The following MYOM1 variants were observed in gnomAD, a reference collection of about 807,000 sequenced individuals.
The protein encoded by MYOM1 is myomesin-1.
Under a neutral mutation model 205.3 loss-of-function variants are expected in MYOM1, and 164 were observed. The observed-to-expected ratio is 0.80, with a 90% CI of 0.70 to 0.91. The LOEUF is 0.91. Among genes scored for constraint, MYOM1 ranks in the 40% least tolerant of loss-of-function variants. The pLI is 0.00. For missense variants in MYOM1, 2,011 were observed against 2,127.3 expected (o/e 0.95, Z 1.08); for synonymous variants, 772 against 789.4 (o/e 0.98, Z 0.37).
intron 36 of MYOM1, among the ~76,000 whole-genome samples, chr18:3,072,973 A>AGT (rs1555613713): frequency 9.8e-6 from 1 of 102,440 alleles, no homozygotes; most frequent in Admixed American, 1.2e-4. Context: ...AGATGTAAGC[A>AGT]TTTTTTTTTT....
Position 3,160,093 on chromosome 18 carries a change from T to TCTC in MYOM1, c.1501+4182_1501+4184dup, listed in dbSNP as rs1274649755. Among the ~76,000 whole-genome samples, 390 of 99,514 alleles carry TCTC rather than the reference T, an allele frequency of 3.9e-3. 2 individuals are homozygous for TCTC. Among genetic ancestry groups the TCTC allele is most frequent in the South Asian group, 0.035 (108 of 3,126 alleles). 65.3% of individuals were successfully genotyped at this position (99,514 alleles called of 152,430 possible). ...TTCTTCTCTTCCTCCTCCTCCTTCT[T>TCTC]CTCCTCCTCCTTCTTCTTCTTCTCT... On this transcript the variant is annotated intron_variant, in intron 10 of 37. Transcript: ENST00000356443.
At chr18:3,121,453 C>T (rs891328008) in intron 19 of MYOM1, among the ~76,000 whole-genome samples, 1 of 152,154 alleles carries the variant, frequency 6.6e-6, no homozygotes, top group Non-Finnish European at 1.5e-5. Flanking sequence ...TCAGCGGCAA[C>T]AATGGGCCAG....
intron 2 of MYOM1, among the ~76,000 whole-genome samples, chr18:3,194,214 T>A (rs1225645113): frequency 6.6e-6 from 1 of 152,180 alleles, no homozygotes; most frequent in African/African-American, 2.4e-5. Context: ...CCACTTAAAG[T>A]TTCAAGGGAA....
At chr18:3,168,123 A>C (rs2080499265) in intron 9 of MYOM1, among the ~76,000 whole-genome samples, 1 of 152,240 alleles carries the variant, frequency 6.6e-6, no homozygotes, top group South Asian at 2.1e-4. Context: ...GTTAAAACAA[A>C]AGTGCCAGAG....
chr18:3,181,534 T>C (rs1484624796), intron 5 of MYOM1, among the ~76,000 whole-genome samples: 1 of 152,192 alleles, frequency 6.6e-6, no homozygotes, highest in African/African-American at 2.4e-5. Context: ...TGATTAATAA[T>C]TCTAATCTTG....
At chr18:3,072,371 T>TTTTTTTTTTTTTG (rs2078969735) in intron 36 of MYOM1, among the ~76,000 whole-genome samples, 3 of 132,414 alleles carry the variant, frequency 2.3e-5, no homozygotes, top group East Asian at 2.1e-4. Flanking sequence ...TTTTTTTTTT[T>TTTTTTTTTTTTTG]GAGGCAGAGT....
intron 23 of MYOM1, among the ~76,000 whole-genome samples, chr18:3,101,156 TG>T (rs1479312194): frequency 6.6e-6 from 1 of 152,242 alleles, no homozygotes; most frequent in Non-Finnish European, 1.5e-5. Context: ...TACAGCATGG[TG>T]GCAGAAAAAC....
chr18:3,241,431 C>T, the MYOM1 span, among the ~76,000 whole-genome samples: 1 of 152,312 alleles, frequency 6.6e-6, no homozygotes, highest in East Asian at 1.9e-4. Flanking sequence ...AAGACCCAAG[C>T]CTTGGCAGCT....
At chr18:3,173,838 ATGT>A in intron 8 of MYOM1, 97 bp downstream of exon 8, 1 of 1,044,744 alleles carries the variant, frequency 9.6e-7, no homozygotes, top group Non-Finnish European at 1.5e-6. Context: ...AGCATATACT[ATGT>A]TATATATAGT....
At chr18:3,170,177 G>A (rs1423651720) in intron 8 of MYOM1, among the ~76,000 whole-genome samples, 1 of 152,154 alleles carries the variant, frequency 6.6e-6, no homozygotes, top group Non-Finnish European at 1.5e-5. Flanking sequence ...AGAAGGGTTA[G>A]TTAATGGGTA....
chr18:3,234,478 A>AC, the MYOM1 span, among the ~76,000 whole-genome samples: 1 of 152,198 alleles, frequency 6.6e-6, no homozygotes, highest in East Asian at 1.9e-4. Flanking sequence ...TAATTTTGTG[A>AC]CCCCCTAGTT....
chr18:3,098,077 G>A (rs988026558), intron 25 of MYOM1, among the ~76,000 whole-genome samples: 1 of 152,170 alleles, frequency 6.6e-6, no homozygotes, highest in Non-Finnish European at 1.5e-5. Context: ...ATTAGTAGGT[G>A]CTGCTGTTTC....
intron 19 of MYOM1, among the ~76,000 whole-genome samples, chr18:3,124,482 C>G (rs2079748397): frequency 6.6e-6 from 1 of 151,410 alleles, no homozygotes; most frequent in African/African-American, 2.4e-5. Context: ...GTGCCCGCCA[C>G]CACGCCCGGC....
chr18:3,235,956 T>A, the MYOM1 span, among the ~76,000 whole-genome samples: 2 of 152,046 alleles, frequency 1.3e-5, no homozygotes, highest in East Asian at 3.9e-4. Flanking sequence ...GGTCTTGAGG[T>A]GGAAAGTTAT....
chr18:3,094,354 T>TA, intron 25 of MYOM1, 48 bp from the exon 26 acceptor site: 5 of 1,443,078 alleles, frequency 3.5e-6, no homozygotes, highest in African/African-American at 1.5e-5. Context: ...TAACCAATTA[T>TA]ATTGGTACTC....
At chr18:3,073,122 C>T (rs1201077589) in intron 36 of MYOM1, among the ~76,000 whole-genome samples, 1 of 151,996 alleles carries the variant, frequency 6.6e-6, no homozygotes, top group Non-Finnish European at 1.5e-5. Flanking sequence ...CATAAGCTTT[C>T]CTTGAAGCCT....
intron 11 of MYOM1, 36 bp downstream of exon 11, chr18:3,154,911 C>A (rs1288295498): frequency 6.3e-7 from 1 of 1,593,712 alleles, no homozygotes. Flanking sequence ...TCTCTATGAC[C>A]AAATAACTGT....
chr18:3,115,525 A>T (rs2079592119), intron 21 of MYOM1, among the ~76,000 whole-genome samples: 1 of 152,096 alleles, frequency 6.6e-6, no homozygotes, highest in African/African-American at 2.4e-5. Context: ...AAAAGATAGG[A>T]CTGTGCAAAC....
At position 3,188,392 on chromosome 18, in the gene MYOM1, G is replaced by T. The variant is rs139370929; in HGVS notation, c.771+356C>A. On this transcript the variant is annotated intron_variant, in intron 4 of 37. Coordinates refer to ENST00000356443, the MANE Select transcript of MYOM1 (RefSeq NM_003803.4). ...AACATTTGGGGAGGCCGAGGTGGGT[G>T]GATCACTTGAGGTCACGAGTTCAAG... Among the ~76,000 whole-genome samples, 1,121 of 152,132 alleles carry T rather than the reference G, an allele frequency of 7.4e-3. 13 individuals carry two copies. Among genetic ancestry groups the T allele is most frequent in the African/African-American group, 0.025 (1,047 of 41,490 alleles).
Sources: allele counts gnomAD v4.1 joint callset (sites outside exome capture counted in the v4.1 genomes callset), GRCh38; gene constraint gnomAD v4.1.1; transcripts MANE v1.5; gene names NCBI Gene and HGNC (gene_info 2026-07-23, HGNC 2026-07-21).